Variants in MLLT10 observed in about 807,000 individuals in gnomAD.
MLLT10 encodes MLLT10 histone lysine methyltransferase DOT1L cofactor.
MLLT10 carries 30 observed loss-of-function variants against 129.1 expected under a neutral mutation model. That is an observed-to-expected ratio of 0.23 (90% CI 0.17 to 0.32). The LOEUF (loss-of-function observed/expected upper bound fraction) is 0.32. Among genes scored for constraint, MLLT10 ranks in the 10% least tolerant of loss-of-function variants. The pLI is 1.00. For synonymous variants in MLLT10, 490 were observed against 446.4 expected (o/e 1.10, Z -1.23); for missense variants, 1,119 against 1,268.3 (o/e 0.88, Z 1.79).
chr10:21,666,407 G>T (rs912756741), intron 9 of MLLT10, among the ~76,000 whole-genome samples: 1 of 152,006 alleles, frequency 6.6e-6, no homozygotes, highest in East Asian at 1.9e-4. Context: ...GCTCATGGCT[G>T]TACTCCCAAA....
At chr10:21,699,021 C>T (rs1286363614) in intron 13 of MLLT10, among the ~76,000 whole-genome samples, 2 of 152,102 alleles carry the variant, frequency 1.3e-5, no homozygotes, top group Non-Finnish European at 2.9e-5. Context: ...ATTACAGGCA[C>T]GTGCCATCAT....
At chr10:21,681,450 C>A in intron 12 of MLLT10, 74 bp downstream of exon 12, 2 of 972,784 alleles carry the variant, frequency 2.1e-6, no homozygotes, top group Non-Finnish European at 3.1e-6. Flanking sequence ...GTTATGCCAC[C>A]TCGGAACCTC....
chr10:21,614,885 C>T lies in MLLT10; in HGVS notation c.564C>T (p.Val188=). The part of the protein sequence containing the change: ...CEEEGNGADN[V]QYCGYCKYHF... ...AAGAAGGTAATGGTGCCGATAATGT[C>T]CAATACTGTGGCTACTGTAAATACC... The change falls in exon 7 of 23, where the codon GTC becomes GTT. Residue 188 remains valine (V), a synonymous_variant. Coordinates refer to ENST00000307729, the MANE Select transcript of MLLT10 (RefSeq NM_001195626.3). 1 of 1,612,362 alleles carries T rather than the reference C, an allele frequency of 6.2e-7. No individual in the cohort carries two copies. The highest frequency in any genetic ancestry group is 1.1e-5 in the South Asian group (1 of 90,474).
chr10:21,628,424 GCT>G (rs971137984), intron 8 of MLLT10, among the ~76,000 whole-genome samples: 1 of 148,212 alleles, frequency 6.7e-6, no homozygotes, highest in African/African-American at 2.5e-5. Context: ...GCTGAAGGAT[GCT>G]CTCTCTTTTT....
At chr10:21,715,431 A>G (rs1166551333) in intron 14 of MLLT10, among the ~76,000 whole-genome samples, 3 of 152,236 alleles carry the variant, frequency 2.0e-5, no homozygotes, top group African/African-American at 4.8e-5. Context: ...TGAGGTAGCC[A>G]TAACAGGGGT....
chr10:21,555,913 T>C (rs2037874244), intron 3 of MLLT10, among the ~76,000 whole-genome samples: 1 of 151,744 alleles, frequency 6.6e-6, no homozygotes, highest in Non-Finnish European at 1.5e-5. Flanking sequence ...GTGATCCACC[T>C]GCCTCCGTCT....
intron 13 of MLLT10, among the ~76,000 whole-genome samples, chr10:21,705,382 G>T (rs1290419551): frequency 6.6e-6 from 1 of 152,182 alleles, no homozygotes; most frequent in Non-Finnish European, 1.5e-5. Context: ...GCTCTGGCAT[G>T]GGCTGAGGGT....
intron 3 of MLLT10, chr10:21,571,935 A>G (rs937172312): frequency 1.3e-5 from 2 of 152,224 alleles, no homozygotes; most frequent in African/African-American, 4.8e-5. Flanking sequence ...AGAAATATTT[A>G]TATCTGATAA....
At chr10:21,710,709 A>G (rs2055995015) in intron 13 of MLLT10, among the ~76,000 whole-genome samples, 1 of 152,158 alleles carries the variant, frequency 6.6e-6, no homozygotes, top group Non-Finnish European at 1.5e-5. Context: ...TTGTATTAGG[A>G]AGTGATTTCA....
intron 3 of MLLT10, among the ~76,000 whole-genome samples, chr10:21,550,687 A>G (rs1313177961): frequency 6.6e-6 from 1 of 151,952 alleles, no homozygotes; most frequent in Non-Finnish European, 1.5e-5. Context: ...GGGTGCCACC[A>G]AGCCCAGCTA....
chr10:21,624,168 TAATTTCTTA>T (rs1320786464), intron 8 of MLLT10, among the ~76,000 whole-genome samples: 3 of 152,232 alleles, frequency 2.0e-5, no homozygotes, highest in African/African-American at 7.2e-5. Flanking sequence ...GTGTTTGCTT[TAATTTCTTA>T]AAACTACTAA....
chr10:21,657,303 G>A (rs2049694858), intron 9 of MLLT10, among the ~76,000 whole-genome samples: 1 of 145,028 alleles, frequency 6.9e-6, no homozygotes, highest in Non-Finnish European at 1.5e-5. Context: ...TGAGGCAGGA[G>A]AATTGCTTGA....
intron 3 of MLLT10, among the ~76,000 whole-genome samples, chr10:21,545,538 A>G (rs1352945229): frequency 2.0e-5 from 3 of 152,192 alleles, no homozygotes; most frequent in Non-Finnish European, 4.4e-5. Flanking sequence ...GGAAAGAGAA[A>G]AATTAAAGGA....
intron 8 of MLLT10, among the ~76,000 whole-genome samples, chr10:21,630,108 A>G (rs577154699): frequency 6.4e-4 from 97 of 152,366 alleles, no homozygotes; most frequent in African/African-American, 1.7e-3. Flanking sequence ...GTAGTAGAGC[A>G]AAGAAACTAG....
chr10:21,698,379 GT>G (rs2054573197), intron 13 of MLLT10, among the ~76,000 whole-genome samples: 1 of 152,094 alleles, frequency 6.6e-6, no homozygotes, highest in African/African-American at 2.4e-5. Context: ...TTCCATCCAT[GT>G]TGTTGGAAAT....
chr10:21,585,460 A>G (rs973341055), intron 3 of MLLT10, among the ~76,000 whole-genome samples: 2 of 152,198 alleles, frequency 1.3e-5, no homozygotes, highest in African/African-American at 4.8e-5. Context: ...TTGAATAATA[A>G]TAACTGATTA....
At chr10:21,626,033 G>A in intron 8 of MLLT10, 1 of 1,282,584 alleles carries the variant, frequency 7.8e-7, no homozygotes, top group Non-Finnish European at 1.1e-6. Flanking sequence ...TACATTCAGA[G>A]TATAATCATT....
intron 21 of MLLT10, among the ~76,000 whole-genome samples, chr10:21,739,378 A>G (rs939251813): frequency 6.6e-6 from 1 of 152,126 alleles, no homozygotes; most frequent in South Asian, 2.1e-4. Context: ...ATCTTCATCC[A>G]GATGTTAACT....
At chr10:21,653,905 G>A (rs2049299920) in intron 9 of MLLT10, among the ~76,000 whole-genome samples, 1 of 152,198 alleles carries the variant, frequency 6.6e-6, no homozygotes, top group Non-Finnish European at 1.5e-5. Context: ...AGAAGTGAGT[G>A]CAGGTAGAGA....
Sources: allele counts gnomAD v4.1 joint callset (sites outside exome capture counted in the v4.1 genomes callset), GRCh38; gene constraint gnomAD v4.1.1; transcripts MANE v1.5; gene names NCBI Gene and HGNC (gene_info 2026-07-23, HGNC 2026-07-21).